RYR2: variants seen among roughly 807,000 people sequenced by gnomAD.
The protein encoded by RYR2 is cardiac muscle ryanodine receptor-calcium release channel.
In RYR2, 227 loss-of-function variants were observed where a neutral mutation model predicts 601.1. The ratio of observed to expected loss-of-function variants is 0.38; its 90% CI spans 0.34 to 0.42. The LOEUF (loss-of-function observed/expected upper bound fraction) is 0.42, where lower values mean the gene tolerates loss of function less well. Among genes scored for constraint, RYR2 ranks in the 10% least tolerant of loss-of-function variants. The probability of loss-of-function intolerance (pLI) is 1.00; values close to 1 mark genes in which losing one functional copy is unlikely to be tolerated. For synonymous variants in RYR2, 2,223 were observed against 2,175.1 expected (o/e 1.02, Z -0.61); for missense variants, 4,646 against 6,156.5 (o/e 0.75, Z 8.21).
chr1:237,750,573 G>T (rs978701967), intron 80 of RYR2, among the ~76,000 whole-genome samples: 2 of 150,698 alleles, frequency 1.3e-5, no homozygotes, highest in African/African-American at 4.9e-5. Flanking sequence ...AATATAGTAT[G>T]TAATATATAA....
At chr1:237,735,389 A>G (rs958859107) in intron 79 of RYR2, among the ~76,000 whole-genome samples, 1 of 152,140 alleles carries the variant, frequency 6.6e-6, no homozygotes, top group African/African-American at 2.4e-5. Flanking sequence ...TTTGTTTGCC[A>G]TTTGTTTGCT....
chr1:237,537,422 C>G (rs1400746851), intron 25 of RYR2, among the ~76,000 whole-genome samples: 3 of 152,168 alleles, frequency 2.0e-5, no homozygotes, highest in African/African-American at 4.8e-5. Flanking sequence ...CTCCCGGGTT[C>G]AAGCAATTCT....
At chr1:237,108,448 G>C (rs1669010980) in intron 1 of RYR2, among the ~76,000 whole-genome samples, 1 of 152,218 alleles carries the variant, frequency 6.6e-6, no homozygotes, top group Admixed American at 6.5e-5. Context: ...CTGGAATGAG[G>C]CTGATGTACC....
At chr1:237,792,836 T>C (rs1303311523) in intron 94 of RYR2, among the ~76,000 whole-genome samples, 1 of 152,238 alleles carries the variant, frequency 6.6e-6, no homozygotes, top group Non-Finnish European at 1.5e-5. Context: ...TTAAGACTTA[T>C]AGAAATATAT....
At chr1:237,738,832 A>G (rs916243098) in intron 79 of RYR2, among the ~76,000 whole-genome samples, 1 of 152,156 alleles carries the variant, frequency 6.6e-6, no homozygotes, top group African/African-American at 2.4e-5. Context: ...CATTTCACCT[A>G]TCTTACAAGA....
intron 56 of RYR2, among the ~76,000 whole-genome samples, chr1:237,664,378 C>G (rs1684094621): frequency 6.6e-6 from 1 of 152,158 alleles, no homozygotes; most frequent in Admixed American, 6.5e-5. Flanking sequence ...AGCTTACATT[C>G]TAATGGGGGA....
intron 103 of RYR2, among the ~76,000 whole-genome samples, chr1:237,831,033 G>T (rs6429041): frequency 0.55 from 82,993 of 151,986 alleles, 23,585 homozygotes; most frequent in African/African-American, 0.71. Context: ...CTTAAAAGCT[G>T]CATTTAAAAA....
intron 52 of RYR2, among the ~76,000 whole-genome samples, chr1:237,655,157 C>A (rs1478719564): frequency 6.6e-6 from 1 of 152,018 alleles, no homozygotes; most frequent in African/African-American, 2.4e-5. Flanking sequence ...TAAACTGAGT[C>A]CTTTTAAAAT....
In RYR2 at chr1:237,358,744, G is replaced by T. The variant is rs558543356; in HGVS notation, c.294+2759G>T. Among the ~76,000 whole-genome samples, 104 of 151,974 alleles carry T rather than the reference G, an allele frequency of 6.8e-4. No individual in the cohort carries two copies. In the Middle Eastern group the frequency reaches 0.01, roughly 15 times the overall value. ...CCTGTAGGACTACACCCAGCCTTTTGCCTCTCAATCTCCAGGCATAGTAAG... is the reference window on the plus strand; with the variant it reads ...CCTGTAGGACTACACCCAGCCTTTTTCCTCTCAATCTCCAGGCATAGTAAG... On this transcript the variant is annotated intron_variant, in intron 4 of 104. Coordinates refer to ENST00000366574, the MANE Select transcript of RYR2 (RefSeq NM_001035.3).
chr1:237,406,232 C>G (rs1703888795), intron 10 of RYR2, among the ~76,000 whole-genome samples: 1 of 126,550 alleles, frequency 7.9e-6, no homozygotes. Flanking sequence ...CCCCTCCCCT[C>G]TCCCATCTCT....
At chr1:237,370,365 A>G (rs887419872) in intron 6 of RYR2, among the ~76,000 whole-genome samples, 1 of 152,068 alleles carries the variant, frequency 6.6e-6, no homozygotes, top group African/African-American at 2.4e-5. Context: ...TATTTTTTGT[A>G]TGTATTATAT....
intron 27 of RYR2, 120 bp from the exon 28 acceptor site, chr1:237,566,447 A>C: frequency 1.0e-6 from 1 of 998,374 alleles, no homozygotes; most frequent in Non-Finnish European, 1.5e-6. Context: ...CATTATCATC[A>C]TCGCTCTAGG....
At chr1:237,615,947 T>C (rs1023772216) in intron 37 of RYR2, among the ~76,000 whole-genome samples, 1 of 152,294 alleles carries the variant, frequency 6.6e-6, no homozygotes, top group South Asian at 2.1e-4. Context: ...CAGGGTGTTC[T>C]AGGAGCTTTC....
chr1:237,717,322 C>T lies in RYR2; in HGVS notation c.10448C>T (p.Pro3483Leu). The change falls in exon 72 of 105, where the codon CCT becomes CTT. Residue 3483 changes from proline (P) to leucine (L), a missense_variant. Coordinates refer to ENST00000366574, the MANE Select transcript of RYR2 (RefSeq NM_001035.3). ...LLPIGLNICA[P>L]GDQELIALAK... ...CCCATTGGGTTGAACATCTGTGCCC[C>T]TGGGGACCAGGAGCTCATTGCTCTG... 1 of 1,612,130 alleles carries T rather than the reference C, an allele frequency of 6.2e-7. No individual in the cohort carries two copies.
intron 94 of RYR2, 87 bp downstream of exon 94, chr1:237,792,410 T>C (rs970200376): frequency 3.7e-5 from 28 of 750,662 alleles, no homozygotes; most frequent in Non-Finnish European, 4.1e-5. Context: ...TGTGTGTGTG[T>C]GTGTGTGTGT....
intron 17 of RYR2, among the ~76,000 whole-genome samples, chr1:237,471,855 G>C (rs543874981): frequency 6.6e-6 from 1 of 151,530 alleles, no homozygotes; most frequent in East Asian, 1.9e-4. Context: ...TCAAGGGAAA[G>C]AAGGACCCTT....
intron 62 of RYR2, among the ~76,000 whole-genome samples, chr1:237,683,185 A>C (rs77039585): frequency 0.015 from 2,213 of 152,352 alleles, 48 homozygotes; most frequent in African/African-American, 0.05. Flanking sequence ...CATTCGCATG[A>C]TAAACACTAT....
Position 237,435,068 on chromosome 1 carries a change from A to T in RYR2, c.1006-6251A>T, listed in dbSNP as rs185964122. Among the ~76,000 whole-genome samples the T allele has an allele frequency of 3.5e-3, 536 of 152,324 alleles. 6 individuals carry two copies. Among genetic ancestry groups the T allele is most frequent in the African/African-American group, 0.012 (513 of 41,574 alleles). ...TGGGGTTACCCAGGCATGTGCTACG[A>T]TGCCAGACTAAAACATTTTAAAGAC... is the stretch of plus-strand genomic sequence containing the variant. On this transcript the variant is annotated intron_variant, in intron 12 of 104. Coordinates refer to ENST00000366574, the MANE Select transcript of RYR2 (RefSeq NM_001035.3).
chr1:237,666,685 T>C (rs2148873343), intron 57 of RYR2, 96 bp downstream of exon 57: 1 of 965,704 alleles, frequency 1.0e-6, no homozygotes, highest in East Asian at 2.7e-5. Context: ...CATGGTTTAT[T>C]TGAATGTGGC....
Sources: allele counts gnomAD v4.1 joint callset (sites outside exome capture counted in the v4.1 genomes callset), GRCh38; gene constraint gnomAD v4.1.1; transcripts MANE v1.5; gene names NCBI Gene and HGNC (gene_info 2026-07-23, HGNC 2026-07-21).